The following ILRUN variants were observed in gnomAD, a reference collection of about 807,000 sequenced individuals.
ILRUN encodes inflammation and lipid regulator with UBA-like and NBR1-like domains.
Under a neutral mutation model 33.8 loss-of-function variants are expected in ILRUN, and 3 were observed. The ratio of observed to expected loss-of-function variants is 0.09; its 90% CI spans 0.04 to 0.23. ILRUN has a LOEUF of 0.23. ILRUN is among the 10% of genes least tolerant of loss of function. ILRUN has a pLI of 1.00. For missense variants in ILRUN, 210 were observed against 375.1 expected (o/e 0.56, Z 3.64); for synonymous variants, 124 against 138.9 (o/e 0.89, Z 0.75).
At chr6:34,659,094 C>T (rs947351809) in intron 1 of ILRUN, among the ~76,000 whole-genome samples, 2 of 152,222 alleles carry the variant, frequency 1.3e-5, no homozygotes, top group African/African-American at 2.4e-5. Flanking sequence ...AGGCATGGCC[C>T]TTGCCTTCAG....
At position 34,631,314 on chromosome 6, in the gene ILRUN, C is replaced by G. The variant is rs138038417; in HGVS notation, c.511+15287G>C. On this transcript the variant is annotated intron_variant, in intron 3 of 4. Transcript: ENST00000374023. ...GACTATGAACTTCACCAGTGTTTCT[C>G]AGTCCCCCATTCCCCTCTTTTTTTT... Among the ~76,000 whole-genome samples the G allele has an allele frequency of 3.9e-3, 594 of 151,602 alleles. 4 individuals carry two copies. The highest frequency in any genetic ancestry group is 0.014 in the African/African-American group (581 of 41,304).
intron 3 of ILRUN, among the ~76,000 whole-genome samples, chr6:34,614,432 A>AAT (rs200350798): frequency 0.079 from 8,677 of 109,942 alleles, 375 homozygotes; most frequent in Non-Finnish European, 0.1. Flanking sequence ...AAAAAATAAT[A>AAT]AAAAAAAAAA....
chr6:34,671,316 G>A (rs1366586861), intron 1 of ILRUN, among the ~76,000 whole-genome samples: 1 of 152,218 alleles, frequency 6.6e-6, no homozygotes, highest in Non-Finnish European at 1.5e-5. Flanking sequence ...AGTCTGGGAG[G>A]TTGAGGTTGC....
intron 1 of ILRUN, among the ~76,000 whole-genome samples, chr6:34,678,579 G>A (rs1375614199): frequency 6.6e-6 from 1 of 151,602 alleles, no homozygotes; most frequent in Non-Finnish European, 1.5e-5. Context: ...CAGGCGAGGT[G>A]GCTCACACCT....
At chr6:34,647,766 T>C (rs544239387) in intron 2 of ILRUN, among the ~76,000 whole-genome samples, 3 of 152,308 alleles carry the variant, frequency 2.0e-5, no homozygotes, top group Non-Finnish European at 4.4e-5. Context: ...GGTTTCACTA[T>C]GTTGGCCAGG....
chr6:34,625,452 G>A (rs1046660817), intron 3 of ILRUN, among the ~76,000 whole-genome samples: 7 of 152,098 alleles, frequency 4.6e-5, no homozygotes, highest in African/African-American at 1.7e-4. Flanking sequence ...CAAACCACTC[G>A]CCCACATCTG....
chr6:34,660,040 C>T (rs1157558067), intron 1 of ILRUN, among the ~76,000 whole-genome samples: 3 of 151,828 alleles, frequency 2.0e-5, no homozygotes, highest in East Asian at 3.9e-4. Context: ...TGGCTCATGC[C>T]TATAATCCCA....
chr6:34,652,372 C>A (rs557748321), intron 2 of ILRUN, among the ~76,000 whole-genome samples: 1 of 152,178 alleles, frequency 6.6e-6, no homozygotes, highest in South Asian at 2.1e-4. Context: ...GGAAAGGGGG[C>A]GAATGAAATT....
intron 1 of ILRUN, among the ~76,000 whole-genome samples, chr6:34,681,197 A>G (rs1444738783): frequency 6.6e-6 from 1 of 152,186 alleles, no homozygotes; most frequent in Non-Finnish European, 1.5e-5. Flanking sequence ...CACTGACCTC[A>G]AGCACAATAA....
intron 1 of ILRUN, among the ~76,000 whole-genome samples, chr6:34,693,377 CAG>C (rs1010439565): frequency 6.6e-6 from 1 of 151,996 alleles, no homozygotes. Context: ...TTTTTCCAGA[CAG>C]AGTCTTATTC....
At chr6:34,634,167 G>T (rs1304882968) in intron 3 of ILRUN, among the ~76,000 whole-genome samples, 1 of 152,010 alleles carries the variant, frequency 6.6e-6, no homozygotes. Flanking sequence ...ATTTCCAAAC[G>T]TTTGAAAATT....
chr6:34,671,734 G>A (rs1763121113), intron 1 of ILRUN: 1 of 152,210 alleles, frequency 6.6e-6, no homozygotes, highest in Non-Finnish European at 1.5e-5. Context: ...AAAATACAGG[G>A]ATGGGGGAAA....
At chr6:34,599,811 C>T (rs1761472129) in intron 4 of ILRUN, among the ~76,000 whole-genome samples, 1 of 152,152 alleles carries the variant, frequency 6.6e-6, no homozygotes, top group Admixed American at 6.5e-5. Context: ...AAAATGGAAC[C>T]CTGTTCTCTC....
intron 1 of ILRUN, chr6:34,687,082 G>A (rs1007578825): frequency 2.2e-5 from 4 of 178,438 alleles, no homozygotes; most frequent in Admixed American, 1.6e-4. Context: ...GCGATAAGAC[G>A]AGAAAGGACC....
At chr6:34,633,200 T>C (rs1164890008) in intron 3 of ILRUN, among the ~76,000 whole-genome samples, 1 of 152,136 alleles carries the variant, frequency 6.6e-6, no homozygotes, top group African/African-American at 2.4e-5. Context: ...ATATTACACA[T>C]TAATAAATGG....
At chr6:34,618,213 G>A (rs894057536) in intron 3 of ILRUN, among the ~76,000 whole-genome samples, 33 of 152,200 alleles carry the variant, frequency 2.2e-4, no homozygotes, top group African/African-American at 7.7e-4. Context: ...ATTGGACTGG[G>A]AGGACAGACA....
At chr6:34,682,018 A>ATTATTTTTT (rs1305122768) in intron 1 of ILRUN, among the ~76,000 whole-genome samples, 1 of 103,882 alleles carries the variant, frequency 9.6e-6, no homozygotes, top group Non-Finnish European at 2.1e-5. Flanking sequence ...CACCCCACTA[A>ATTATTTTTT]TTCTTATATT....
intron 1 of ILRUN, among the ~76,000 whole-genome samples, chr6:34,673,769 G>A (rs981779790): frequency 6.6e-6 from 1 of 152,048 alleles, no homozygotes; most frequent in African/African-American, 2.4e-5. Context: ...CAAGGCTGCA[G>A]TGAGCTGTGA....
intron 1 of ILRUN, among the ~76,000 whole-genome samples, chr6:34,666,413 T>C (rs1274372490): frequency 1.3e-5 from 2 of 151,942 alleles, no homozygotes; most frequent in East Asian, 3.9e-4. Flanking sequence ...AATACAAAAT[T>C]AGCCAGGCGT....
Sources: allele counts gnomAD v4.1 joint callset (sites outside exome capture counted in the v4.1 genomes callset), GRCh38; gene constraint gnomAD v4.1.1; transcripts MANE v1.5; gene names NCBI Gene and HGNC (gene_info 2026-07-23, HGNC 2026-07-21).